The following SLC25A12 variants were observed in gnomAD, a reference collection of about 807,000 sequenced individuals.
The protein encoded by SLC25A12 is electrogenic aspartate/glutamate antiporter SLC25A12, mitochondrial.
Under a neutral mutation model 83.3 loss-of-function variants are expected in SLC25A12, and 32 were observed. The ratio of observed to expected loss-of-function variants is 0.38; its 90% confidence interval spans 0.29 to 0.52. The LOEUF (loss-of-function observed/expected upper bound fraction) is 0.52, where lower values mean the gene tolerates loss of function less well. SLC25A12 is among the 20% of genes least tolerant of loss of function. The probability of loss-of-function intolerance (pLI) is 0.84; values close to 1 mark genes in which losing one functional copy is unlikely to be tolerated. For missense variants in SLC25A12, 611 were observed against 835.6 expected (o/e 0.73, Z 3.31); for synonymous variants, 267 against 291.1 (o/e 0.92, Z 0.84).
Position 171,893,203 on chromosome 2 carries a change from A to G in SLC25A12, c.66+2T>C. On this transcript the variant is annotated splice_donor_variant, in intron 2 of 17. Transcript: ENST00000422440. LOFTEE classifies it high-confidence loss of function. ...AAAGGCACACTATGCAAGCCAATTT[A>G]CCTGTAGAAATATGTTTCTTAACTC... 6.2e-7 allele frequency: 1 copy of G among 1,613,832 alleles called. No individual in the cohort carries two copies. The highest frequency in any genetic ancestry group is 8.5e-7 in the Non-Finnish European group (1 of 1,179,742).
At chr2:171,893,908 C>T (rs1685995250) in intron 1 of SLC25A12, among the ~76,000 whole-genome samples, 1 of 152,110 alleles carries the variant, frequency 6.6e-6, no homozygotes, top group African/African-American at 2.4e-5. Context: ...TGATGCCCTC[C>T]AACTCCGGAC....
At chr2:171,818,244 C>G (rs1474325366) in intron 9 of SLC25A12, among the ~76,000 whole-genome samples, 2 of 151,878 alleles carry the variant, frequency 1.3e-5, no homozygotes, top group African/African-American at 4.8e-5. Context: ...AGAAGATTGC[C>G]TGCCGTGAGC....
intron 8 of SLC25A12, among the ~76,000 whole-genome samples, chr2:171,830,477 T>C (rs889018375): frequency 4.6e-5 from 7 of 152,194 alleles, no homozygotes; most frequent in Non-Finnish European, 8.8e-5. Flanking sequence ...ATTTGAATAC[T>C]GTTTAACCTC....
At chr2:171,859,205 T>C (rs1392817315) in intron 3 of SLC25A12, among the ~76,000 whole-genome samples, 1 of 152,182 alleles carries the variant, frequency 6.6e-6, no homozygotes, top group East Asian at 1.9e-4. Flanking sequence ...GGGGTAATAC[T>C]CAGCCATCCC....
chr2:171,817,055 A>T (rs769101105), intron 9 of SLC25A12, among the ~76,000 whole-genome samples: 3 of 152,166 alleles, frequency 2.0e-5, no homozygotes, highest in Admixed American at 6.5e-5. Flanking sequence ...CCCTCTTATA[A>T]CAAGGATATA....
At chr2:171,871,483 C>A (rs1250687833) in intron 2 of SLC25A12, among the ~76,000 whole-genome samples, 2 of 152,004 alleles carry the variant, frequency 1.3e-5, no homozygotes, top group African/African-American at 4.8e-5. Flanking sequence ...ATGGGAGAAT[C>A]ACTTGAATTT....
rs946012174 is a variant in SLC25A12 at position 171,788,275 on chromosome 2, ACCT to A, written c.1586-331_1586-329del. ...GTTCCCTTTCAGTTTCAATTATTTT[ACCT>A]CCTTTTTTTCTTAAATAAGATACAA... On this transcript the variant is annotated intron_variant, in intron 15 of 17. Coordinates refer to ENST00000422440, the MANE Select transcript of SLC25A12 (RefSeq NM_003705.5). 26 of 235,776 alleles carry A rather than the reference ACCT, an allele frequency of 1.1e-4. 1 individual carries two copies. Among genetic ancestry groups the A allele is most frequent in the South Asian group, 9.9e-4 (15 of 15,198 alleles). 14.6% of individuals were successfully genotyped at this position (235,776 alleles called of 1,614,324 possible). A position where few individuals can be genotyped will look rare whatever the true frequency, so the allele number is the denominator to read the frequency against.
At chr2:171,869,667 G>T (rs1463204606) in intron 2 of SLC25A12, among the ~76,000 whole-genome samples, 1 of 151,984 alleles carries the variant, frequency 6.6e-6, no homozygotes, top group Non-Finnish European at 1.5e-5. Context: ...TAATTTAAGG[G>T]CTTTATATAC....
intron 1 of SLC25A12, 75 bp downstream of exon 1, chr2:171,894,128 G>A (rs1686001065): frequency 1.3e-6 from 2 of 1,540,532 alleles, no homozygotes; most frequent in South Asian, 1.2e-5. Context: ...AAAATGGGAA[G>A]CAGTGGGGGG....
intron 2 of SLC25A12, among the ~76,000 whole-genome samples, chr2:171,881,403 C>T (rs541043124): frequency 1.6e-4 from 25 of 152,132 alleles, no homozygotes; most frequent in Admixed American, 3.3e-4. Context: ...CCAGCCGCCT[C>T]GGCCTCCCAA....
chr2:171,821,167 C>T (rs1684184574), intron 9 of SLC25A12, among the ~76,000 whole-genome samples: 1 of 151,320 alleles, frequency 6.6e-6, no homozygotes. Flanking sequence ...GCAGCTGGGA[C>T]TATAGGTGTG....
chr2:171,785,163 T>C lies in SLC25A12; in HGVS notation c.*111A>G, dbSNP rs1690463651. ...GTATATGTCATACAGAAAGAAGAGTTTGACTCCTCAGCTCAGTCAGTACCA... is the reference window on the plus strand; with the variant it reads ...GTATATGTCATACAGAAAGAAGAGTCTGACTCCTCAGCTCAGTCAGTACCA... On this transcript the variant is annotated 3_prime_UTR_variant, in exon 18 of 18. Coordinates refer to ENST00000422440, the MANE Select transcript of SLC25A12 (RefSeq NM_003705.5). 8 of 954,184 alleles carry C rather than the reference T, an allele frequency of 8.4e-6. No individual in the cohort carries two copies. Among genetic ancestry groups the C allele is most frequent in the African/African-American group, 4.8e-5 (3 of 62,040 alleles). The allele number at this position is 954,184 out of a possible 1,614,324, so 59.1% of individuals were successfully genotyped here.
At chr2:171,836,974 A>C (rs1167633615) in intron 6 of SLC25A12, 147 bp downstream of exon 6, 2 of 719,704 alleles carry the variant, frequency 2.8e-6, no homozygotes, top group Non-Finnish European at 4.8e-6. Context: ...ACACACACAC[A>C]CACACACACA....
chr2:171,853,610 G>T (rs1386966257), intron 4 of SLC25A12, among the ~76,000 whole-genome samples: 1 of 152,082 alleles, frequency 6.6e-6, no homozygotes, highest in Non-Finnish European at 1.5e-5. Context: ...GAACCCAGGA[G>T]GCAGAGGTTG....
intron 14 of SLC25A12, 119 bp from the exon 15 acceptor site, chr2:171,791,708 G>A: frequency 2.1e-6 from 2 of 934,128 alleles, no homozygotes; most frequent in South Asian, 1.3e-5. Flanking sequence ...ACAAGCCTGA[G>A]GTGTCCCTTA....
At chr2:171,818,119 T>C (rs190803839) in intron 9 of SLC25A12, among the ~76,000 whole-genome samples, 291 of 152,336 alleles carry the variant, frequency 1.9e-3, no homozygotes, top group African/African-American at 6.9e-3. Context: ...ATGTAATTAA[T>C]GCTATGGATT....
At chr2:171,798,974 T>C (rs1393673715) in intron 13 of SLC25A12, among the ~76,000 whole-genome samples, 9 of 152,146 alleles carry the variant, frequency 5.9e-5, no homozygotes, top group Non-Finnish European at 1.2e-4. Flanking sequence ...ATGGGATTAG[T>C]GCCCTTATAA....
chr2:171,831,116 T>A (rs1190298156), intron 8 of SLC25A12, among the ~76,000 whole-genome samples: 1 of 152,232 alleles, frequency 6.6e-6, no homozygotes, highest in Non-Finnish European at 1.5e-5. Flanking sequence ...TTATCCATCT[T>A]TACAACAGTT....
At chr2:171,797,571 T>C (rs1683625356) in intron 13 of SLC25A12, among the ~76,000 whole-genome samples, 1 of 152,166 alleles carries the variant, frequency 6.6e-6, no homozygotes, top group South Asian at 2.1e-4. Context: ...GAAACAGACC[T>C]GGTCTTAGAA....
Sources: allele counts gnomAD v4.1 joint callset (sites outside exome capture counted in the v4.1 genomes callset), GRCh38; gene constraint gnomAD v4.1.1; transcripts MANE v1.5; gene names NCBI Gene and HGNC (gene_info 2026-07-23, HGNC 2026-07-21).